Variants in GIGYF2 observed in about 807,000 individuals in gnomAD.
GIGYF2 encodes the protein GRB10-interacting GYF protein 2.
In GIGYF2, 25 loss-of-function variants were observed where a neutral mutation model predicts 208.1. That is an observed-to-expected ratio of 0.12 (90% CI 0.09 to 0.17). The LOEUF (loss-of-function observed/expected upper bound fraction) is 0.17. Among genes scored for constraint, GIGYF2 ranks in the 10% least tolerant of loss-of-function variants. The pLI is 1.00. For missense variants in GIGYF2, 1,302 were observed against 1,579.4 expected (o/e 0.82, Z 2.98); for synonymous variants, 534 against 543.8 (o/e 0.98, Z 0.25).
At chr2:232,730,353 C>T (rs1419203640) in intron 2 of GIGYF2, among the ~76,000 whole-genome samples, 1 of 152,048 alleles carries the variant, frequency 6.6e-6, no homozygotes, top group African/African-American at 2.4e-5. Context: ...GCCTGTAGTC[C>T]CAGCACTTTG....
intron 8 of GIGYF2, among the ~76,000 whole-genome samples, chr2:232,784,463 C>T (rs908344401): frequency 4.6e-5 from 6 of 131,312 alleles, no homozygotes; most frequent in Admixed American, 9.6e-5. Context: ...GATCTGGGCT[C>T]ACTGCAAGCT....
intron 14 of GIGYF2, among the ~76,000 whole-genome samples, chr2:232,797,103 G>A (rs1700245875): frequency 6.7e-6 from 1 of 149,508 alleles, no homozygotes; most frequent in Admixed American, 6.6e-5. Context: ...AAGTGGAGTT[G>A]ATAAAAATGG....
chr2:232,720,446 G>C (rs1256191900), intron 2 of GIGYF2, among the ~76,000 whole-genome samples: 1 of 152,038 alleles, frequency 6.6e-6, no homozygotes, highest in African/African-American at 2.4e-5. Flanking sequence ...AATCCTTTGG[G>C]TATATACCCA....
intron 3 of GIGYF2, 69 bp from the exon 4 acceptor site, chr2:232,747,546 G>T: frequency 6.5e-7 from 1 of 1,532,370 alleles, no homozygotes. Flanking sequence ...AATTTTTTTT[G>T]ACAGTGTATA....
Position 232,860,256 on chromosome 2 carries a change from C to G in GIGYF2, c.*3396C>G, listed in dbSNP as rs1690725085. The G allele has an allele frequency of 6.6e-6, 1 of 152,040 alleles. No individual in the cohort carries two copies. Among genetic ancestry groups the G allele is most frequent in the South Asian group, 2.1e-4 (1 of 4,822 alleles). The allele number at this position is 152,040 out of a possible 1,614,324, so 9.4% of individuals were successfully genotyped here. A position where few individuals can be genotyped will look rare whatever the true frequency, so the allele number is the denominator to read the frequency against. ...AAGTGATCCTGTTGCCTCAGCCTCC[C>G]AAGTAGCTGGGACTACAGCTATGTG... On this transcript the variant is annotated 3_prime_UTR_variant, in exon 29 of 29. Coordinates refer to ENST00000373563, the MANE Select transcript of GIGYF2 (RefSeq NM_001103146.3).
chr2:232,797,813 T>C (rs978967305), intron 14 of GIGYF2, among the ~76,000 whole-genome samples: 2 of 151,932 alleles, frequency 1.3e-5, no homozygotes. Flanking sequence ...AAACCCCATC[T>C]CTACTAAAAA....
At chr2:232,733,733 A>G (rs893187855) in intron 2 of GIGYF2, among the ~76,000 whole-genome samples, 1 of 152,224 alleles carries the variant, frequency 6.6e-6, no homozygotes, top group Non-Finnish European at 1.5e-5. Context: ...CGTATAACCT[A>G]TGTACATACT....
chr2:232,776,526 T>A (rs1414778580), intron 8 of GIGYF2: 1 of 1,032,712 alleles, frequency 9.7e-7, no homozygotes, highest in South Asian at 1.3e-5. Context: ...TCAGATAATT[T>A]TAATCTACAA....
intron 22 of GIGYF2, among the ~76,000 whole-genome samples, chr2:232,833,885 T>G (rs1043204038): frequency 6.6e-6 from 1 of 152,094 alleles, no homozygotes; most frequent in African/African-American, 2.4e-5. Flanking sequence ...CAAAACTTTT[T>G]TTTTTTTTTT....
chr2:232,697,785 C>T (rs1296639838), intron 1 of GIGYF2, among the ~76,000 whole-genome samples: 1 of 152,212 alleles, frequency 6.6e-6, no homozygotes, highest in Non-Finnish European at 1.5e-5. Context: ...CTGCTTGCTT[C>T]TCCGCGCCAG....
chr2:232,785,554 T>G (rs940913615), intron 8 of GIGYF2, among the ~76,000 whole-genome samples: 7 of 152,216 alleles, frequency 4.6e-5, no homozygotes, highest in Non-Finnish European at 7.3e-5. Context: ...ATATTTTAAG[T>G]GGCATCTCAT....
intron 28 of GIGYF2, among the ~76,000 whole-genome samples, chr2:232,856,446 T>C (rs1201469064): frequency 6.6e-6 from 1 of 151,880 alleles, no homozygotes; most frequent in Non-Finnish European, 1.5e-5. Flanking sequence ...TCCCAGCAAT[T>C]TGGGAGGCCG....
intron 28 of GIGYF2, among the ~76,000 whole-genome samples, chr2:232,850,896 C>G (rs1362882213): frequency 2.0e-5 from 3 of 152,168 alleles, no homozygotes; most frequent in Non-Finnish European, 4.4e-5. Context: ...CCAGTTTCAC[C>G]AATAATGAGT....
intron 5 of GIGYF2, among the ~76,000 whole-genome samples, chr2:232,750,731 C>CTGTGTGTGTGTG (rs61571808): frequency 1.4e-5 from 2 of 147,286 alleles, no homozygotes; most frequent in African/African-American, 2.5e-5. Flanking sequence ...TATATGAGCT[C>CTGTGTGTGTGTG]TGTGTGTGTG....
intron 2 of GIGYF2, among the ~76,000 whole-genome samples, chr2:232,734,653 T>G (rs906860013): frequency 6.6e-6 from 1 of 152,022 alleles, no homozygotes; most frequent in Non-Finnish European, 1.5e-5. Flanking sequence ...AAAAAATCAC[T>G]AGGGTGTAAA....
Position 232,848,501 on chromosome 2 carries a change from G to C in GIGYF2, c.3684+930G>C, listed in dbSNP as rs1048757656. On this transcript the variant is annotated intron_variant, in intron 27 of 28. Transcript: ENST00000373563. ...ATACAAAGATTAGCCAGGCATGGTG[G>C]TGTGCTCCTATAGTCCCAGCTACTC... is the stretch of plus-strand genomic sequence containing the variant. Among the ~76,000 whole-genome samples the C allele has an allele frequency of 2.0e-5, 3 of 152,184 alleles. No individual in the cohort carries two copies. In the South Asian group the frequency reaches 6.2e-4, roughly 32 times the overall value.
chr2:232,825,907 A>C lies in GIGYF2; in HGVS notation c.2529+5922A>C, dbSNP rs1209797575. Among the ~76,000 whole-genome samples the C allele has an allele frequency of 4.9e-5, 6 of 123,550 alleles. No individual in the cohort carries two copies. In the East Asian group the frequency reaches 1.5e-3, roughly 30 times the overall value. 81.1% of individuals were successfully genotyped at this position (123,550 alleles called of 152,430 possible). A position where few individuals can be genotyped will look rare whatever the true frequency, so the allele number is the denominator to read the frequency against. On this transcript the variant is annotated intron_variant, in intron 21 of 28. Transcript: ENST00000373563. ...GTGTGATGTTCCCTGCCCTGTGTCC[A>C]TGTGTTCTCATTGTTCAACTCCCAC...
intron 3 of GIGYF2, among the ~76,000 whole-genome samples, chr2:232,740,042 C>G (rs571696625): frequency 6.6e-6 from 1 of 151,698 alleles, no homozygotes; most frequent in Non-Finnish European, 1.5e-5. Flanking sequence ...TACTTGAACA[C>G]GGGAGGTGGA....
intron 27 of GIGYF2, 71 bp downstream of exon 27, chr2:232,847,642 T>G: frequency 6.3e-7 from 1 of 1,581,140 alleles, no homozygotes; most frequent in Non-Finnish European, 8.6e-7. Flanking sequence ...ACCCAAGAAA[T>G]GAAAATTAAT....
Sources: gnomAD v4.1 joint callset for allele counts (sites outside exome capture counted in the v4.1 genomes callset) on GRCh38, gnomAD v4.1.1 for gene constraint, MANE v1.5 for transcripts, NCBI Gene and HGNC (gene_info 2026-07-23, HGNC 2026-07-21) for gene names.